The following TP53BP1 variants were observed in gnomAD, a reference collection of about 807,000 sequenced individuals.
TP53BP1 encodes the protein tumor protein p53 binding protein 1.
A neutral mutation model predicts 200.8 loss-of-function variants in TP53BP1; 61 were observed. That is an observed-to-expected ratio of 0.30 (90% CI 0.25 to 0.38). The LOEUF (loss-of-function observed/expected upper bound fraction) is 0.38, where lower values mean the gene tolerates loss of function less well. Among genes scored for constraint, TP53BP1 ranks in the 10% least tolerant of loss-of-function variants. TP53BP1 has a pLI of 1.00. For synonymous variants in TP53BP1, 822 were observed against 844.3 expected, an observed-to-expected ratio of 0.97 and a Z score of 0.46; for missense variants, 2,144 against 2,371.9, an observed-to-expected ratio of 0.90 and a Z score of 2.00.
upstream of TP53BP1, among the ~76,000 whole-genome samples, chr15:43,493,473 C>T (rs180708130): frequency 6.6e-6 from 1 of 152,144 alleles, no homozygotes; most frequent in Non-Finnish European, 1.5e-5. Context: ...GTTCACGCCC[C>T]TTAATCCCCG....
rs45502394 is a variant in TP53BP1 at position 43,407,630 on chromosome 15, AAG to A, written c.5747-62_5747-61del. ...ACACTCAACTTAGCCCTCCATTAGA[AAG>A]AGAGATTTGATTCTAACCAATACAT... On this transcript the variant is annotated intron_variant, in intron 27 of 27. Transcript: ENST00000382044. 2,665 of 1,505,026 alleles carry A rather than the reference AAG, an allele frequency of 1.8e-3. 55 individuals carry two copies. The African/African-American group carries it at 0.033, about 19-fold the overall frequency. The allele number at this position is 1,505,026 out of a possible 1,614,324, so 93.2% of individuals were successfully genotyped here. A position where few individuals can be genotyped will look rare whatever the true frequency, so the allele number is the denominator to read the frequency against.
chr15:43,479,261 G>GACC lies in TP53BP1; in HGVS notation c.788+133_788+135dup, dbSNP rs1419641458. 1.3e-5 allele frequency: 11 copies of GACC among 853,836 alleles called. 1 individual carries two copies. In the South Asian group the frequency reaches 2.7e-4, roughly 21 times the overall value. 52.9% of individuals were successfully genotyped at this position (853,836 alleles called of 1,614,324 possible). Reference sequence around the variant, plus strand: ...TCATAAATAATCAACGTTTCCAATGGACCACAAGTATGCCCAGTACAAGGG... The same window carrying GACC: ...TCATAAATAATCAACGTTTCCAATGGACCACCACAAGTATGCCCAGTACAAGGG... On this transcript the variant is annotated intron_variant, in intron 7 of 27. Coordinates refer to ENST00000382044, the MANE Select transcript of TP53BP1 (RefSeq NM_001141980.3).
chr15:43,456,877 T>C lies in TP53BP1; in HGVS notation c.1731A>G (p.Ala577=). The part of the protein sequence containing the change: ...AENDSILMNP[A]QDGEVQLSQN... Reference sequence around the variant, plus strand: ...GACTCAGTTGTACTTCACCATCCTGTGCTGGATTCATCAGGATACTATCAT... The same window carrying C: ...GACTCAGTTGTACTTCACCATCCTGCGCTGGATTCATCAGGATACTATCAT... The change falls in exon 12 of 28, where the codon GCA becomes GCG. Residue 577 remains alanine, a synonymous_variant. Transcript: ENST00000382044. 1 of 1,614,082 alleles carries C rather than the reference T, an allele frequency of 6.2e-7. No homozygotes were observed. The highest frequency in any genetic ancestry group is 1.1e-5 in the South Asian group (1 of 91,084).
chr15:43,428,519 A>G (rs1190789915), intron 17 of TP53BP1, among the ~76,000 whole-genome samples: 1 of 152,232 alleles, frequency 6.6e-6, no homozygotes, highest in Non-Finnish European at 1.5e-5. Context: ...CTATCTTGCA[A>G]ATTAGTAAAC....
At chr15:43,494,466 A>G (rs2079167802), upstream of TP53BP1, among the ~76,000 whole-genome samples, 1 of 152,214 alleles carries the variant, frequency 6.6e-6, no homozygotes, top group Non-Finnish European at 1.5e-5. Flanking sequence ...GTCCTGAAAA[A>G]TCTAGAATCT....
chr15:43,495,495 T>TCACACACACA (rs376410840), upstream of TP53BP1, among the ~76,000 whole-genome samples: 2,030 of 133,408 alleles, frequency 0.015, 33 homozygotes, highest in Middle Eastern at 0.039. Context: ...TGAGACTCCG[T>TCACACACACA]CACACACACA....
At chr15:43,464,741 T>C (rs1418340996) in intron 11 of TP53BP1, among the ~76,000 whole-genome samples, 4 of 146,898 alleles carry the variant, frequency 2.7e-5, no homozygotes, top group African/African-American at 7.5e-5. Context: ...CCGTCTCTAC[T>C]AAAAAAAAAA....
At chr15:43,480,086 C>G in intron 5 of TP53BP1, 69 bp from the exon 6 acceptor site, 1 of 1,466,076 alleles carries the variant, frequency 6.8e-7, no homozygotes, top group East Asian at 2.4e-5. Flanking sequence ...CTGCTGTCCT[C>G]AGCAAAGGAG....
chr15:43,505,470 G>A (rs113432565), intron 1 of TP53BP1, among the ~76,000 whole-genome samples: 119 of 152,270 alleles, frequency 7.8e-4, no homozygotes, highest in African/African-American at 2.7e-3. Context: ...AATGGATAAG[G>A]GAAGATGGTA....
At chr15:43,503,138 A>G (rs977667166) in intron 1 of TP53BP1, among the ~76,000 whole-genome samples, 1 of 152,260 alleles carries the variant, frequency 6.6e-6, no homozygotes, top group African/African-American at 2.4e-5. Context: ...TGATGAGTTC[A>G]ATAAATGGGT....
chr15:43,465,074 T>C (rs1197786537), intron 11 of TP53BP1, among the ~76,000 whole-genome samples: 2 of 151,972 alleles, frequency 1.3e-5, no homozygotes, highest in African/African-American at 4.8e-5. Flanking sequence ...AAAGAAGCCA[T>C]TCACAAAGGC....
chr15:43,504,095 T>C (rs2079223977), intron 1 of TP53BP1, among the ~76,000 whole-genome samples: 1 of 146,950 alleles, frequency 6.8e-6, no homozygotes, highest in Admixed American at 6.7e-5. Flanking sequence ...GACCAGCCTG[T>C]GCAAAATAGC....
At chr15:43,486,738 C>T (rs2079052568) in intron 4 of TP53BP1, among the ~76,000 whole-genome samples, 1 of 152,168 alleles carries the variant, frequency 6.6e-6, no homozygotes, top group African/African-American at 2.4e-5. Flanking sequence ...ATCCTCCCAC[C>T]TCAGCCTCCT....
chr15:43,485,188 G>A lies in TP53BP1; in HGVS notation c.372-4166C>T, dbSNP rs956502287. On this transcript the variant is annotated intron_variant, in intron 4 of 27. Coordinates refer to ENST00000382044, the MANE Select transcript of TP53BP1 (RefSeq NM_001141980.3). ...TCATATATTGCTATACCCTACACAA[G>A]AATGTAAGCTACATTAAGGTCTAGG... Among the ~76,000 whole-genome samples, 6 of 152,032 alleles carry A rather than the reference G, an allele frequency of 3.9e-5. No individual in the cohort carries two copies. In the East Asian group the frequency reaches 1.2e-3, roughly 29 times the overall value.
intron 1 of TP53BP1, among the ~76,000 whole-genome samples, chr15:43,499,847 T>C (rs2079200609): frequency 6.6e-6 from 1 of 152,242 alleles, no homozygotes. Flanking sequence ...ATCTAGTTTC[T>C]AGCTTCAAAG....
In TP53BP1 at chr15:43,432,807, G is replaced by A. The variant is rs371826403; in HGVS notation, c.3192-130C>T. On this transcript the variant is annotated intron_variant, in intron 16 of 27. Coordinates refer to ENST00000382044, the MANE Select transcript of TP53BP1 (RefSeq NM_001141980.3). Reference sequence around the variant, plus strand: ...TATTTTGACAATTTGAGAAATGTAAGGAAGGGAGAAAGTCAGGTAGTCAAG... The same window carrying A: ...TATTTTGACAATTTGAGAAATGTAAAGAAGGGAGAAAGTCAGGTAGTCAAG... The A allele has an allele frequency of 1.3e-5, 13 of 1,027,296 alleles. No individual in the cohort carries two copies. The African/African-American group carries it at 1.3e-4, about 10-fold the overall frequency. The allele number at this position is 1,027,296 out of a possible 1,614,324, so 63.6% of individuals were successfully genotyped here.
Position 43,409,002 on chromosome 15 carries a change from G to C in TP53BP1, c.5495C>G (p.Ser1832Cys). ...LCLASGIPCVSHVWVHDSCHA... is the reference protein window; with the variant it reads ...LCLASGIPCVCHVWVHDSCHA... The stretch of plus-strand genomic sequence containing the variant: ...GCAACTATCATGGACCCAGACATGA[G>C]ACACACAAGGAATCCCACTGGCAAG... The change falls in exon 26 of 28, where the codon TCT becomes TGT. Residue 1832 changes from serine (S) to cysteine (C), a missense_variant. Transcript: ENST00000382044. 1 of 1,614,146 alleles carries C rather than the reference G, an allele frequency of 6.2e-7. No individual in the cohort carries two copies. Among genetic ancestry groups the C allele is most frequent in the Non-Finnish European group, 8.5e-7 (1 of 1,180,010 alleles).
chr15:43,408,865 T>TC (rs2045018108), intron 26 of TP53BP1, 32 bp downstream of exon 26: 1 of 1,605,780 alleles, frequency 6.2e-7, no homozygotes, highest in Non-Finnish European at 8.5e-7. Flanking sequence ...TCCTCCTGCC[T>TC]ATACAATTCT....
chr15:43,449,375 T>C lies in TP53BP1; in HGVS notation c.2717-1890A>G, dbSNP rs368788801. Among the ~76,000 whole-genome samples, 15 of 152,218 alleles carry C rather than the reference T, an allele frequency of 9.9e-5. No individual in the cohort carries two copies. In the East Asian group the frequency reaches 1.5e-3, roughly 16 times the overall value. Reference sequence around the variant, plus strand: ...TATTCCAGACTTCTGAAAATGTGCATGAAATCTTTAAGCAGACCTTTCTAT... The same window carrying C: ...TATTCCAGACTTCTGAAAATGTGCACGAAATCTTTAAGCAGACCTTTCTAT... On this transcript the variant is annotated intron_variant, in intron 12 of 27. Transcript: ENST00000382044.
Sources: allele counts gnomAD v4.1 joint callset (sites outside exome capture counted in the v4.1 genomes callset), GRCh38; gene constraint gnomAD v4.1.1; transcripts MANE v1.5; gene names NCBI Gene and HGNC (gene_info 2026-07-23, HGNC 2026-07-21).